Variants in RALGAPA2 observed in about 807,000 individuals in gnomAD.
RALGAPA2 encodes the protein Ral GTPase activating protein catalytic subunit alpha 2.
A neutral mutation model predicts 230.4 loss-of-function variants in RALGAPA2; 139 were observed. The ratio of observed to expected loss-of-function variants is 0.60; its 90% CI spans 0.53 to 0.69. The LOEUF (loss-of-function observed/expected upper bound fraction) is 0.69, where lower values mean the gene tolerates loss of function less well. RALGAPA2 is among the 30% of genes least tolerant of loss of function. RALGAPA2 has a pLI of 0.00. For synonymous variants in RALGAPA2, 847 were observed against 837.8 expected (o/e 1.01, Z -0.19); for missense variants, 2,163 against 2,276.0 (o/e 0.95, Z 1.01).
chr20:20,642,837 G>A (rs1172800922), intron 5 of RALGAPA2, among the ~76,000 whole-genome samples: 1 of 152,008 alleles, frequency 6.6e-6, no homozygotes, highest in Non-Finnish European at 1.5e-5. Context: ...CAATATATTA[G>A]CTTATTAAAG....
intron 35 of RALGAPA2, among the ~76,000 whole-genome samples, chr20:20,501,055 T>C (rs905161943): frequency 2.0e-5 from 3 of 152,228 alleles, no homozygotes; most frequent in Non-Finnish European, 2.9e-5. Context: ...GGTTTTGTTG[T>C]TCCATTTATT....
At chr20:20,539,381 C>A (rs1201255742) in intron 24 of RALGAPA2, among the ~76,000 whole-genome samples, 1 of 152,082 alleles carries the variant, frequency 6.6e-6, no homozygotes, top group African/African-American at 2.4e-5. Context: ...GAGTGTGATT[C>A]CTTCATGTAA....
rs147541154 is a variant in RALGAPA2, at chr20:20,523,482, T to C, written c.3900+924A>G. Among the ~76,000 whole-genome samples the C allele has an allele frequency of 3.0e-3, 463 of 152,326 alleles. 2 individuals carry two copies. Among genetic ancestry groups the C allele is most frequent in the Middle Eastern group, 0.01 (3 of 294 alleles). On this transcript the variant is annotated intron_variant, in intron 30 of 39. Coordinates refer to ENST00000202677, the MANE Select transcript of RALGAPA2 (RefSeq NM_020343.4). ...CAGATTTTGTCAAACTAATGCTGTA[T>C]ACAAATAGATAAAAGAAATAAGACC...
intron 38 of RALGAPA2, 147 bp from the exon 39 acceptor site, chr20:20,396,881 T>C (rs183000886): frequency 5.8e-6 from 4 of 687,912 alleles, no homozygotes; most frequent in East Asian, 2.9e-5. Flanking sequence ...AAACTGAACA[T>C]TCACTTGAAA....
intron 36 of RALGAPA2, among the ~76,000 whole-genome samples, chr20:20,484,765 G>A (rs1602507715): frequency 6.6e-6 from 1 of 152,138 alleles, no homozygotes; most frequent in Admixed American, 6.5e-5. Context: ...AAAAGCCCAG[G>A]AACATTTCAT....
intron 24 of RALGAPA2, among the ~76,000 whole-genome samples, chr20:20,543,383 T>C (rs2063700071): frequency 6.6e-6 from 1 of 152,140 alleles, no homozygotes. Context: ...CCACTGGGTA[T>C]ATACCCAAAG....
At chr20:20,564,735 C>T (rs559050200) in intron 23 of RALGAPA2, among the ~76,000 whole-genome samples, 1 of 152,354 alleles carries the variant, frequency 6.6e-6, no homozygotes, top group South Asian at 2.1e-4. Context: ...AAAGCTGAGT[C>T]TAGCTCTAAG....
chr20:20,693,721 T>C (rs1255428902), intron 1 of RALGAPA2, among the ~76,000 whole-genome samples: 1 of 152,130 alleles, frequency 6.6e-6, no homozygotes, highest in Non-Finnish European at 1.5e-5. Context: ...TGGGTACCAT[T>C]CTTACCCCCA....
At chr20:20,452,740 T>A (rs1408258622) in intron 37 of RALGAPA2, among the ~76,000 whole-genome samples, 1 of 152,258 alleles carries the variant, frequency 6.6e-6, no homozygotes, top group Admixed American at 6.5e-5. Context: ...GCCTTCAGTC[T>A]CATTAAAGCA....
At chr20:20,575,779 C>T (rs182657247) in intron 20 of RALGAPA2, among the ~76,000 whole-genome samples, 9 of 152,248 alleles carry the variant, frequency 5.9e-5, no homozygotes, top group Admixed American at 5.9e-4. Flanking sequence ...CTCAGGTCTG[C>T]CAATTAATTT....
chr20:20,560,583 C>T (rs1160432992), intron 23 of RALGAPA2, among the ~76,000 whole-genome samples: 1 of 152,168 alleles, frequency 6.6e-6, no homozygotes, highest in African/African-American at 2.4e-5. Flanking sequence ...ATTTAAAATG[C>T]TTTTCTTGAC....
At chr20:20,598,387 C>T (rs1342371695) in intron 16 of RALGAPA2, among the ~76,000 whole-genome samples, 1 of 152,138 alleles carries the variant, frequency 6.6e-6, no homozygotes, top group Non-Finnish European at 1.5e-5. Context: ...AGAAGACACA[C>T]TAAGGCAGGC....
At chr20:20,478,909 A>G (rs1183623627) in intron 36 of RALGAPA2, among the ~76,000 whole-genome samples, 1 of 152,130 alleles carries the variant, frequency 6.6e-6, no homozygotes, top group Non-Finnish European at 1.5e-5. Flanking sequence ...AATACAATTG[A>G]CAGGTCTTTG....
intron 36 of RALGAPA2, among the ~76,000 whole-genome samples, chr20:20,490,442 G>T (rs549234698): frequency 6.6e-6 from 1 of 152,128 alleles, no homozygotes; most frequent in Admixed American, 6.5e-5. Flanking sequence ...CTGGTTGTTT[G>T]GTATTTTCAA....
At chr20:20,517,816 TAA>T (rs200028814) in intron 31 of RALGAPA2, among the ~76,000 whole-genome samples, 3 of 130,530 alleles carry the variant, frequency 2.3e-5, no homozygotes, top group African/African-American at 8.5e-5. Context: ...AAAAAGAAAT[TAA>T]AAAAAAAAAA....
rs6046869 is a variant in RALGAPA2, at chr20:20,458,436, T to A, written c.5495+14393A>T. Reference sequence around the variant, plus strand: ...GTTATATATAATATATATGTATTTTTTATATTACATATAATACATATGTAT... The same window carrying A: ...GTTATATATAATATATATGTATTTTATATATTACATATAATACATATGTAT... On this transcript the variant is annotated intron_variant, in intron 37 of 39. Coordinates refer to ENST00000202677, the MANE Select transcript of RALGAPA2 (RefSeq NM_020343.4). Among the ~76,000 whole-genome samples, 316 of 129,796 alleles carry A rather than the reference T, an allele frequency of 2.4e-3. 8 individuals are homozygous for A. The highest frequency in any genetic ancestry group is 9.6e-3 in the African/African-American group (296 of 30,980). 85.2% of individuals were successfully genotyped at this position (129,796 alleles called of 152,430 possible). A position where few individuals can be genotyped will look rare whatever the true frequency, so the allele number is the denominator to read the frequency against.
chr20:20,467,568 T>C (rs567023029), intron 37 of RALGAPA2, among the ~76,000 whole-genome samples: 2 of 151,692 alleles, frequency 1.3e-5, no homozygotes, highest in African/African-American at 2.4e-5. Flanking sequence ...GAGCCATTGA[T>C]TGATTGATTG....
At chr20:20,442,150 T>A (rs2060753415) in intron 37 of RALGAPA2, among the ~76,000 whole-genome samples, 1 of 152,188 alleles carries the variant, frequency 6.6e-6, no homozygotes, top group Non-Finnish European at 1.5e-5. Context: ...GGCTGAGAGA[T>A]CTTGGGCAAG....
At chr20:20,572,417 TG>T (rs2064674570) in intron 21 of RALGAPA2, among the ~76,000 whole-genome samples, 1 of 144,468 alleles carries the variant, frequency 6.9e-6, no homozygotes, top group African/African-American at 2.6e-5. Flanking sequence ...CACTCCAGCC[TG>T]GGCGACAGGG....
Sources: gnomAD v4.1 joint callset for allele counts (sites outside exome capture counted in the v4.1 genomes callset) on GRCh38, gnomAD v4.1.1 for gene constraint, MANE v1.5 for transcripts, NCBI Gene and HGNC (gene_info 2026-07-23, HGNC 2026-07-21) for gene names.